The following NT5DC3 variants were observed in gnomAD, a reference collection of about 807,000 sequenced individuals.
NT5DC3 encodes the protein 5'-nucleotidase domain containing 3, also known as 5'-nucleotidase domain-containing protein 3.
NT5DC3 carries 42 observed loss-of-function variants against 67.8 expected under a neutral mutation model. The ratio of observed to expected loss-of-function variants is 0.62; its 90% CI spans 0.48 to 0.80. The LOEUF is 0.80. Among genes scored for constraint, NT5DC3 ranks in the 30% least tolerant of loss-of-function variants. The pLI, the probability that NT5DC3 is intolerant of heterozygous loss-of-function variation, is 0.00. For missense variants in NT5DC3, 570 were observed against 696.4 expected, an observed-to-expected ratio of 0.82 and a Z score of 2.04; for synonymous variants, 237 against 255.6, an observed-to-expected ratio of 0.93 and a Z score of 0.69.
chr12:103,764,103 A>G, the NT5DC3 span, among the ~76,000 whole-genome samples: 2 of 151,630 alleles, frequency 1.3e-5, no homozygotes, highest in Non-Finnish European at 2.9e-5. Context: ...ACAGGCGCAT[A>G]CCACCATGCC....
chr12:103,822,534 T>A (rs927477748), intron 1 of NT5DC3, among the ~76,000 whole-genome samples: 4 of 152,254 alleles, frequency 2.6e-5, no homozygotes, highest in African/African-American at 9.6e-5. Flanking sequence ...TTTTCTATAA[T>A]AAGCATGTGT....
At chr12:103,799,433 T>C (rs1886465399) in intron 4 of NT5DC3, among the ~76,000 whole-genome samples, 1 of 152,216 alleles carries the variant, frequency 6.6e-6, no homozygotes, top group Non-Finnish European at 1.5e-5. Context: ...ATGATTTTAT[T>C]AGGAGTTTCC....
At chr12:103,800,135 G>A (rs924526569) in intron 4 of NT5DC3, among the ~76,000 whole-genome samples, 7 of 152,160 alleles carry the variant, frequency 4.6e-5, no homozygotes, top group African/African-American at 9.7e-5. Flanking sequence ...ACCTATGTAC[G>A]ATATCATTTA....
chr12:103,759,340 A>T, the NT5DC3 span: 1 of 1,585,406 alleles, frequency 6.3e-7, no homozygotes, highest in Non-Finnish European at 8.6e-7. Flanking sequence ...GGCATACAGT[A>T]GGTGCTTAAT....
At chr12:103,779,440 T>C (rs1885458541) in intron 13 of NT5DC3, among the ~76,000 whole-genome samples, 1 of 152,144 alleles carries the variant, frequency 6.6e-6, no homozygotes, top group Non-Finnish European at 1.5e-5. Context: ...AAGCCACTAG[T>C]TAGTTGGTAG....
downstream of NT5DC3, among the ~76,000 whole-genome samples, chr12:103,765,572 T>G (rs2139263967): frequency 6.6e-6 from 1 of 152,316 alleles, no homozygotes; most frequent in East Asian, 1.9e-4. Flanking sequence ...CTCTAGAGTG[T>G]GGCCTTTTTT....
At chr12:103,808,552 A>T (rs182499000) in intron 2 of NT5DC3, among the ~76,000 whole-genome samples, 1 of 152,230 alleles carries the variant, frequency 6.6e-6, no homozygotes, top group African/African-American at 2.4e-5. Flanking sequence ...TTTCAAGTCA[A>T]GCTGCACAAA....
chr12:103,819,043 T>A (rs865821751), intron 1 of NT5DC3, among the ~76,000 whole-genome samples: 1 of 152,154 alleles, frequency 6.6e-6, no homozygotes, highest in Non-Finnish European at 1.5e-5. Context: ...CTCCCTCCCT[T>A]CCTGCTACCT....
chr12:103,794,443 C>T (rs538422054), intron 6 of NT5DC3, among the ~76,000 whole-genome samples: 8 of 152,300 alleles, frequency 5.3e-5, no homozygotes, highest in African/African-American at 1.9e-4. Context: ...AGCCACCACA[C>T]CCAGCCAATT....
chr12:103,804,883 C>T (rs1886730790), intron 4 of NT5DC3, among the ~76,000 whole-genome samples: 1 of 152,112 alleles, frequency 6.6e-6, no homozygotes, highest in Non-Finnish European at 1.5e-5. Flanking sequence ...GAAACCCTGT[C>T]TCTTTTAAAA....
At chr12:103,785,858 G>A (rs1383821808) in intron 11 of NT5DC3, 4 of 405,244 alleles carry the variant, frequency 9.9e-6, no homozygotes, top group Non-Finnish European at 1.9e-5. Flanking sequence ...ACCTGTGTGT[G>A]CCAGGCCCTC....
intron 6 of NT5DC3, among the ~76,000 whole-genome samples, chr12:103,796,221 C>T (rs10861105): frequency 0.27 from 41,766 of 152,080 alleles, 6,256 homozygotes; most frequent in East Asian, 0.61. Context: ...ACCCATGTGA[C>T]GAAGAGGCAC....
Position 103,785,493 on chromosome 12 carries a change from G to T in NT5DC3, c.1189-18C>A. ...GTCAAATCCTGATCACAAAGATCAC[G>T]AAAAGTCAACGTCAGTCTCAACAGA... is the stretch of plus-strand genomic sequence containing the variant. On this transcript the variant is annotated intron_variant, in intron 11 of 13. Coordinates refer to ENST00000392876, the MANE Select transcript of NT5DC3 (RefSeq NM_001031701.3). 6.2e-7 allele frequency: 1 copy of T among 1,612,888 alleles called. No individual in the cohort carries two copies. Among genetic ancestry groups the T allele is most frequent in the Non-Finnish European group, 8.5e-7 (1 of 1,179,146 alleles).
chr12:103,761,484 C>T, the NT5DC3 span: 4 of 1,322,962 alleles, frequency 3.0e-6, no homozygotes, highest in Non-Finnish European at 3.2e-6. Context: ...AAACCATTAC[C>T]AGAAGCCCTG....
At chr12:103,760,395 G>A in the NT5DC3 span, among the ~76,000 whole-genome samples, 1 of 152,102 alleles carries the variant, frequency 6.6e-6, no homozygotes, top group African/African-American at 2.4e-5. Flanking sequence ...CGCGTAGCTG[G>A]GACTACAGGT....
chr12:103,814,090 C>T (rs868848420), intron 2 of NT5DC3, among the ~76,000 whole-genome samples: 3 of 152,190 alleles, frequency 2.0e-5, no homozygotes, highest in Non-Finnish European at 2.9e-5. Flanking sequence ...GATCTACCCA[C>T]GTGACCGACG....
chr12:103,806,943 A>T lies in NT5DC3; in HGVS notation c.394-14T>A. On this transcript the variant is annotated splice_polypyrimidine_tract_variant and intron_variant, in intron 2 of 13. Transcript: ENST00000392876. The stretch of plus-strand genomic sequence containing the variant: ...TTCTGCTGGATACTAAGAAAGAAGA[A>T]AGGAACTGGTTTTAGCCAACAATGT... 1 of 1,543,514 alleles carries T rather than the reference A, an allele frequency of 6.5e-7. No homozygotes were observed. Among genetic ancestry groups the T allele is most frequent in the Non-Finnish European group, 9.0e-7 (1 of 1,115,792 alleles).
chr12:103,841,229 C>A lies in NT5DC3; in HGVS notation c.-73G>T, dbSNP rs1233936140. 1.0e-5 allele frequency: 5 copies of A among 495,612 alleles called. No homozygotes were observed. Among genetic ancestry groups the A allele is most frequent in the South Asian group, 2.3e-5 (1 of 43,600 alleles). 30.7% of individuals were successfully genotyped at this position (495,612 alleles called of 1,614,324 possible). A position where few individuals can be genotyped will look rare whatever the true frequency, so the allele number is the denominator to read the frequency against. On this transcript the variant is annotated 5_prime_UTR_variant, in exon 1 of 14. Transcript: ENST00000392876. ...TGCTGCCCGGCCCAAGATCTACCCG[C>A]GCTCTGCCCTGCAGGAGGGCAGCTC...
the NT5DC3 span, among the ~76,000 whole-genome samples, chr12:103,752,848 G>T: frequency 2.0e-5 from 3 of 152,068 alleles, no homozygotes; most frequent in African/African-American, 7.2e-5. Context: ...TAGGAAAGAA[G>T]ATTGAAAGAA....
Sources: gnomAD v4.1 joint callset for allele counts (sites outside exome capture counted in the v4.1 genomes callset) on GRCh38, gnomAD v4.1.1 for gene constraint, MANE v1.5 for transcripts, NCBI Gene and HGNC (gene_info 2026-07-23, HGNC 2026-07-21) for gene names.